C2CD3: variants seen among roughly 807,000 people sequenced by gnomAD.
C2CD3 encodes C2 domain containing 3 centriole elongation regulator, also known as C2 domain-containing protein 3.
C2CD3 carries 148 observed loss-of-function variants against 234.0 expected under a neutral mutation model. The ratio of observed to expected loss-of-function variants is 0.63; its 90% CI spans 0.55 to 0.72. C2CD3 has a LOEUF of 0.72. Ranked by LOEUF, C2CD3 falls within the 30% of genes least tolerant of loss-of-function variation. The pLI is 0.00. For synonymous variants in C2CD3, 1,000 were observed against 1,035.4 expected, an observed-to-expected ratio of 0.97 and a Z score of 0.66; for missense variants, 2,577 against 2,811.5, an observed-to-expected ratio of 0.92 and a Z score of 1.89.
chr11:74,103,483 G>T lies in C2CD3; in HGVS notation c.2228C>A (p.Thr743Asn). 2 of 1,614,152 alleles carry T rather than the reference G, an allele frequency of 1.2e-6. No individual in the cohort carries two copies. Among genetic ancestry groups the T allele is most frequent in the Non-Finnish European group, 1.7e-6 (2 of 1,180,016 alleles). The change falls in exon 14 of 33, where the codon ACC (threonine) becomes AAC (asparagine). Residue 743 changes from threonine (T) to asparagine (N), a missense_variant. Physicochemically the swap from Thr to Asn is moderately conservative, Grantham distance 65. Transcript: ENST00000334126. Reference protein sequence around the residue: ...LPELNQDMTCTKNPQNLNQIH... With the variant: ...LPELNQDMTCNKNPQNLNQIH... ...TTGGTTTAAGTTTTGTGGATTTTTG[G>T]TACAGGTCATATCTTGGTTAAGTTC...
rs777286833 is a variant in C2CD3, at chr11:74,042,114, C to G, written c.5600G>C (p.Cys1867Ser). 1.9e-6 allele frequency: 3 copies of G among 1,613,534 alleles called. No homozygotes were observed. The East Asian group carries it at 6.7e-5, about 36-fold the overall frequency. Residue 1867 changes from cysteine to serine, a missense_variant, in exon 29 of 33, where the codon TGT becomes TCT. By Grantham distance (112) the Cys-to-Ser change is moderately radical. Coordinates refer to ENST00000334126, the MANE Select transcript of C2CD3 (RefSeq NM_001286577.2). Reference sequence around the variant, plus strand: ...AGGTGATGTGGTCAGTTTGTCATCACATGGCAAGGGTGCCTCTCCCTGAAG... The same window carrying G: ...AGGTGATGTGGTCAGTTTGTCATCAGATGGCAAGGGTGCCTCTCCCTGAAG... The part of the protein sequence containing the change: ...LHLQGEAPLP[C>S]DDKLTTSPLS...
intron 32 of C2CD3, among the ~76,000 whole-genome samples, chr11:74,026,871 T>C (rs575491251): frequency 6.8e-6 from 1 of 147,546 alleles, no homozygotes; most frequent in South Asian, 2.1e-4. Context: ...CTTGGGAGGC[T>C]GAGGCAGGAG....
In C2CD3 at chr11:74,161,514, C is replaced by G. The variant is rs138171497; in HGVS notation, c.368G>C (p.Gly123Ala). The G allele has an allele frequency of 1.9e-6, 3 of 1,590,938 alleles. No homozygotes were observed. The South Asian group carries it at 3.4e-5, about 18-fold the overall frequency. ...GATCTGAACTCTACCAATTGGAAGA[C>G]CATCAAGTTTGGTGATTACTTCCAG... Reference protein sequence around the residue: ...LVLEVITKLDGLPIGRVQING... With the variant: ...LVLEVITKLDALPIGRVQING... The change falls in exon 3 of 33, where the codon GGT becomes GCT. Residue 123 changes from glycine (G) to alanine (A), a missense_variant. Gly to Ala is a moderately conservative substitution (Grantham distance 60). Coordinates refer to ENST00000334126, the MANE Select transcript of C2CD3 (RefSeq NM_001286577.2).
intron 30 of C2CD3, chr11:74,036,502 AAAG>A (rs1193652886): frequency 6.6e-6 from 3 of 455,974 alleles, no homozygotes; most frequent in Admixed American, 2.3e-5. Context: ...AAGAAGACAG[AAAG>A]AAGGTTTGTA....
intron 32 of C2CD3, among the ~76,000 whole-genome samples, chr11:74,025,509 G>A (rs1433085879): frequency 6.6e-6 from 1 of 152,168 alleles, no homozygotes; most frequent in Non-Finnish European, 1.5e-5. Flanking sequence ...GCCCCTAGGA[G>A]TTGGCATATT....
At chr11:74,123,218 G>T in intron 7 of C2CD3, 83 bp from the exon 8 acceptor site, 2 of 961,364 alleles carry the variant, frequency 2.1e-6, no homozygotes, top group Non-Finnish European at 3.2e-6. Context: ...ACTTTCTGAG[G>T]TTCTAAATGT....
chr11:74,134,403 CAGG>C (rs947689724), intron 5 of C2CD3, among the ~76,000 whole-genome samples: 7 of 152,194 alleles, frequency 4.6e-5, no homozygotes, highest in Non-Finnish European at 8.8e-5. Flanking sequence ...GAGGCTGAGG[CAGG>C]AGGACTGCTT....
chr11:74,133,972 G>T (rs953649921), intron 5 of C2CD3, among the ~76,000 whole-genome samples: 5 of 152,074 alleles, frequency 3.3e-5, no homozygotes, highest in African/African-American at 1.2e-4. Flanking sequence ...CACACAGCAG[G>T]TTAATGGAAA....
chr11:74,118,736 G>C (rs11236003), intron 8 of C2CD3, among the ~76,000 whole-genome samples: 42,976 of 151,822 alleles, frequency 0.28, 7,085 homozygotes, highest in African/African-American at 0.46. Context: ...GTACCTTTAT[G>C]TCAGTTTTTA....
chr11:74,024,326 A>G (rs1952206193), intron 32 of C2CD3, among the ~76,000 whole-genome samples: 1 of 152,258 alleles, frequency 6.6e-6, no homozygotes, highest in South Asian at 2.1e-4. Flanking sequence ...TTTCAAAAAT[A>G]AAGATATTTT....
At chr11:74,085,283 T>C (rs1955590918) in intron 21 of C2CD3, among the ~76,000 whole-genome samples, 1 of 152,090 alleles carries the variant, frequency 6.6e-6, no homozygotes, top group South Asian at 2.1e-4. Context: ...ATTATAGGTT[T>C]GGGCCACTGT....
intron 22 of C2CD3, among the ~76,000 whole-genome samples, chr11:74,084,218 T>G (rs1490783272): frequency 5.3e-5 from 8 of 152,044 alleles, no homozygotes; most frequent in Non-Finnish European, 1.2e-4. Flanking sequence ...CCGCATGTTC[T>G]TACTCATAGG....
chr11:74,115,085 A>G (rs1956878442), intron 9 of C2CD3, among the ~76,000 whole-genome samples: 4 of 152,022 alleles, frequency 2.6e-5, no homozygotes, highest in Admixed American at 6.6e-5. Context: ...GAAATCTCAA[A>G]AAATGTAAAA....
chr11:74,013,403 C>T lies in C2CD3; in HGVS notation c.7044G>A (p.Gln2348=), dbSNP rs17132572. 3.6e-3 allele frequency: 4,370 copies of T among 1,204,038 alleles called. 127 individuals are homozygous for T. The African/African-American group carries it at 0.063, about 17-fold the overall frequency. 74.6% of individuals were successfully genotyped at this position (1,204,038 alleles called of 1,614,324 possible). ...TLRIARIFSS[Q]YSQKD ...GGCTGCGTCAGTCTTTCTGGGAGTA[C>T]TGAGAAGAAAATATCCGTGCAATCC... The change falls in exon 33 of 33, where the codon CAG becomes CAA. Residue 2348 remains glutamine (Q), a synonymous_variant. Coordinates refer to ENST00000334126, the MANE Select transcript of C2CD3 (RefSeq NM_001286577.2).
Position 74,138,866 on chromosome 11 carries a change from A to G in C2CD3, c.809T>C (p.Val270Ala). The G allele has an allele frequency of 6.2e-7, 1 of 1,613,386 alleles. No homozygotes were observed. Among genetic ancestry groups the G allele is most frequent in the Non-Finnish European group, 8.5e-7 (1 of 1,179,326 alleles). The change falls in exon 5 of 33, where the codon GTA becomes GCA. Residue 270 changes from valine to alanine, a missense_variant. By Grantham distance (64) the Val-to-Ala change is moderately conservative. Transcript: ENST00000334126. Reference sequence around the variant, plus strand: ...CCGTGGAGCTCTGCCTTTCAGAGTTACAGACTCTAAACTCTGTCCTGAATT... The same window carrying G: ...CCGTGGAGCTCTGCCTTTCAGAGTTGCAGACTCTAAACTCTGTCCTGAATT... Reference protein sequence around the residue: ...SLNSGQSLESVTLKGRAPRKQ... With the variant: ...SLNSGQSLESATLKGRAPRKQ...
chr11:74,117,142 G>A (rs1163919934), intron 9 of C2CD3, among the ~76,000 whole-genome samples: 11 of 19,706 alleles, frequency 5.6e-4, no homozygotes, highest in African/African-American at 6.9e-4. Context: ...ATATATATAT[G>A]AATATATATA....
intron 19 of C2CD3, among the ~76,000 whole-genome samples, chr11:74,091,890 A>G (rs1443224549): frequency 6.6e-6 from 1 of 152,206 alleles, no homozygotes; most frequent in Non-Finnish European, 1.5e-5. Context: ...GGCAGTGTAT[A>G]TTCTATACTC....
Position 74,097,054 on chromosome 11 carries a change from C to A in C2CD3, c.2979+955G>T, listed in dbSNP as rs376540250. 2.7e-4 allele frequency among the ~76,000 whole-genome samples: 41 copies of A among 151,428 alleles called. No homozygotes were observed. In the South Asian group the frequency reaches 8.6e-3, roughly 32 times the overall value. ...ATCCCAGCTACCCGGGAGGCCAAGGCAGGAGAATCCCTTGAACCCAGTTGG... is the reference window on the plus strand; with the variant it reads ...ATCCCAGCTACCCGGGAGGCCAAGGAAGGAGAATCCCTTGAACCCAGTTGG... On this transcript the variant is annotated intron_variant, in intron 16 of 32. Coordinates refer to ENST00000334126, the MANE Select transcript of C2CD3 (RefSeq NM_001286577.2).
In C2CD3 at chr11:74,033,490, T is replaced by C; in HGVS notation, c.6670A>G (p.Ser2224Gly). 2 of 1,536,218 alleles carry C rather than the reference T, an allele frequency of 1.3e-6. No homozygotes were observed. Among genetic ancestry groups the C allele is most frequent in the South Asian group, 2.4e-5 (2 of 84,060 alleles). ...ATSELGDSADSFKKLPLNLAS... is the reference protein window; with the variant it reads ...ATSELGDSADGFKKLPLNLAS... ...AGATTTAGCGGCAACTTCTTGAAGC[T>C]ATCAGCAGAGTCACCGAGCTCACTG... The change falls in exon 31 of 33, where the codon AGC (serine) becomes GGC (glycine). Residue 2224 changes from serine (S) to glycine (G), a missense_variant. Coordinates refer to ENST00000334126, the MANE Select transcript of C2CD3 (RefSeq NM_001286577.2).
Sources: gnomAD v4.1 joint callset for allele counts (sites outside exome capture counted in the v4.1 genomes callset) on GRCh38, gnomAD v4.1.1 for gene constraint, MANE v1.5 for transcripts, NCBI Gene and HGNC (gene_info 2026-07-23, HGNC 2026-07-21) for gene names.